The following MGAT4C variants were observed in gnomAD, a reference collection of about 807,000 sequenced individuals.
MGAT4C encodes alpha-1,3-mannosyl-glycoprotein 4-beta-N-acetylglucosaminyltransferase C.
In MGAT4C, 19 loss-of-function variants were observed where a neutral mutation model predicts 40.1. The observed-to-expected ratio is 0.47, with a 90% CI of 0.33 to 0.70. The LOEUF (loss-of-function observed/expected upper bound fraction) is 0.70, where lower values mean the gene tolerates loss of function less well. MGAT4C is among the 30% of genes least tolerant of loss of function. The probability of loss-of-function intolerance (pLI) is 0.02; values close to 1 mark genes in which losing one functional copy is unlikely to be tolerated. For missense variants in MGAT4C, 491 were observed against 563.2 expected (o/e 0.87, Z 1.30); for synonymous variants, 181 against 187.1 (o/e 0.97, Z 0.27).
chr12:86,670,506 C>T (rs1158323860), intron 2 of MGAT4C, among the ~76,000 whole-genome samples: 2 of 151,834 alleles, frequency 1.3e-5, no homozygotes, highest in African/African-American at 4.8e-5. Flanking sequence ...GGACCTGTGT[C>T]TCAAACTAGT....
intron 1 of MGAT4C, among the ~76,000 whole-genome samples, chr12:86,086,772 A>G (rs1871930619): frequency 6.6e-6 from 1 of 152,008 alleles, no homozygotes; most frequent in Non-Finnish European, 1.5e-5. Context: ...TATTATTTCT[A>G]TCTAGACGTA....
intron 4 of MGAT4C, among the ~76,000 whole-genome samples, chr12:86,306,858 A>T (rs1953945543): frequency 7.2e-6 from 1 of 139,390 alleles, no homozygotes; most frequent in Non-Finnish European, 1.6e-5. Flanking sequence ...TGATAAAGAA[A>T]GTATAGTACA....
At chr12:86,395,587 T>C (rs887140149) in intron 3 of MGAT4C, among the ~76,000 whole-genome samples, 3 of 152,182 alleles carry the variant, frequency 2.0e-5, no homozygotes, top group Admixed American at 6.6e-5. Flanking sequence ...ATCTGTTCTT[T>C]GTTATGCACA....
chr12:86,485,976 T>A (rs1473333274), intron 2 of MGAT4C, among the ~76,000 whole-genome samples: 1 of 152,042 alleles, frequency 6.6e-6, no homozygotes, highest in Non-Finnish European at 1.5e-5. Flanking sequence ...CCCACCAAAC[T>A]AAGCCTCATA....
At chr12:86,119,744 A>G (rs61932260) in intron 1 of MGAT4C, among the ~76,000 whole-genome samples, 5 of 141,754 alleles carry the variant, frequency 3.5e-5, no homozygotes, top group Admixed American at 7.1e-5. Flanking sequence ...TTTTTTTTTA[A>G]TAGAAATAGG....
intron 1 of MGAT4C, among the ~76,000 whole-genome samples, chr12:86,821,727 A>T (rs1952709975): frequency 6.6e-6 from 1 of 151,000 alleles, no homozygotes; most frequent in South Asian, 2.1e-4. Flanking sequence ...AAATAAAAAT[A>T]TCAGCCACGG....
intron 2 of MGAT4C, among the ~76,000 whole-genome samples, chr12:86,709,899 T>C (rs1454737113): frequency 6.6e-6 from 1 of 152,200 alleles, no homozygotes; most frequent in Non-Finnish European, 1.5e-5. Flanking sequence ...CATAAAATTC[T>C]TGTATACACA....
At chr12:86,029,534 T>C (rs538108658) in intron 2 of MGAT4C, among the ~76,000 whole-genome samples, 1 of 152,078 alleles carries the variant, frequency 6.6e-6, no homozygotes, top group African/African-American at 2.4e-5. Context: ...TAGTCACAAT[T>C]TCCTGCCTTA....
chr12:86,643,436 G>A (rs895509366), intron 2 of MGAT4C, among the ~76,000 whole-genome samples: 1 of 151,786 alleles, frequency 6.6e-6, no homozygotes. Flanking sequence ...AGTGGAAATA[G>A]ACTGAATATT....
chr12:86,161,386 G>A (rs560050079), intron 1 of MGAT4C, among the ~76,000 whole-genome samples: 1 of 152,054 alleles, frequency 6.6e-6, no homozygotes, highest in African/African-American at 2.4e-5. Context: ...TGACAAGGCT[G>A]ACAAAAAAAG....
At position 86,569,989 on chromosome 12, in the gene MGAT4C, TA is replaced by T. The variant is rs541166846; in HGVS notation, c.-228-134725del. ...CATTATCTCACTTATATATAGAATC[TA>T]AAAAAGTTGAACTCATTGTAGCAGA... On this transcript the variant is annotated intron_variant, in intron 2 of 7. Transcript: ENST00000548651. 2.6e-4 allele frequency among the ~76,000 whole-genome samples: 40 copies of T among 152,186 alleles called. No homozygotes were observed. In the South Asian group the frequency reaches 3.5e-3, roughly 13 times the overall value.
intron 1 of MGAT4C, among the ~76,000 whole-genome samples, chr12:86,052,902 C>T (rs1404623889): frequency 2.0e-5 from 3 of 151,942 alleles, no homozygotes; most frequent in African/African-American, 7.2e-5. Flanking sequence ...TTTGTGCAAG[C>T]GGTGCCTGCC....
At position 85,977,030 on chromosome 12, in the gene MGAT4C, G is replaced by T. The variant is rs985675008; in HGVS notation, c.*2259C>A. The T allele has an allele frequency of 6.6e-6, 1 of 151,200 alleles. No individual in the cohort carries two copies. Among genetic ancestry groups the T allele is most frequent in the Non-Finnish European group, 1.5e-5 (1 of 67,368 alleles). 9.4% of individuals were successfully genotyped at this position (151,200 alleles called of 1,614,324 possible). On this transcript the variant is annotated 3_prime_UTR_variant, in exon 5 of 5. Transcript: ENST00000611864. ...GATTGACCAACTTATCCAAACACAG[G>T]TTTAGTAAAGAGAGGATATAAAGAT...
chr12:86,602,534 T>C lies in MGAT4C; in HGVS notation c.-229+124675A>G, dbSNP rs974196162. On this transcript the variant is annotated intron_variant, in intron 2 of 7. Transcript: ENST00000548651. Reference sequence around the variant, plus strand: ...GGCTTGGAGAAACCGAAATCTAACATAAGAAAATTGTTAATAGACCAGTAA... The same window carrying C: ...GGCTTGGAGAAACCGAAATCTAACACAAGAAAATTGTTAATAGACCAGTAA... Among the ~76,000 whole-genome samples the C allele has an allele frequency of 3.9e-5, 6 of 152,272 alleles. No homozygotes were observed. In the South Asian group the frequency reaches 6.2e-4, roughly 16 times the overall value.
chr12:86,230,864 A>C (rs1305865513), intron 1 of MGAT4C, among the ~76,000 whole-genome samples: 6 of 102,718 alleles, frequency 5.8e-5, no homozygotes, highest in Non-Finnish European at 7.7e-5. Context: ...TACTTCAAAC[A>C]CTCCCTTTTT....
chr12:86,023,488 G>A (rs1186760373), intron 2 of MGAT4C, among the ~76,000 whole-genome samples: 3 of 151,124 alleles, frequency 2.0e-5, no homozygotes, highest in South Asian at 2.1e-4. Flanking sequence ...GCCAAGTGGT[G>A]AAGCTAGATT....
chr12:86,448,124 T>G (rs984891966), intron 2 of MGAT4C, among the ~76,000 whole-genome samples: 1 of 152,166 alleles, frequency 6.6e-6, no homozygotes, highest in Admixed American at 6.5e-5. Context: ...TGCCTCCCAT[T>G]TCCCTCAATC....
At chr12:86,181,645 A>G (rs984656752) in intron 1 of MGAT4C, among the ~76,000 whole-genome samples, 3 of 152,190 alleles carry the variant, frequency 2.0e-5, no homozygotes, top group African/African-American at 7.2e-5. Flanking sequence ...TTCCATTATG[A>G]AAAACATCAC....
At chr12:86,154,046 G>A (rs1336571028) in intron 1 of MGAT4C, among the ~76,000 whole-genome samples, 1 of 152,190 alleles carries the variant, frequency 6.6e-6, no homozygotes. Flanking sequence ...GAAAGTTATA[G>A]GGATTCATAT....
Sources: gnomAD v4.1 joint callset for allele counts (sites outside exome capture counted in the v4.1 genomes callset) on GRCh38, gnomAD v4.1.1 for gene constraint, MANE v1.5 for transcripts, NCBI Gene and HGNC (gene_info 2026-07-23, HGNC 2026-07-21) for gene names.